Variants in TJP1 observed in about 807,000 individuals in gnomAD.
The protein encoded by TJP1 is tight junction protein ZO-1.
In TJP1, 43 loss-of-function variants were observed where a neutral mutation model predicts 194.2. The ratio of observed to expected loss-of-function variants is 0.22; its 90% CI spans 0.17 to 0.29. The LOEUF (loss-of-function observed/expected upper bound fraction) is 0.29, where lower values mean the gene tolerates loss of function less well. Among genes scored for constraint, TJP1 ranks in the 10% least tolerant of loss-of-function variants. The probability of loss-of-function intolerance (pLI) is 1.00; values close to 1 mark genes in which losing one functional copy is unlikely to be tolerated. For missense variants in TJP1, 1,971 were observed against 2,185.7 expected, an observed-to-expected ratio of 0.90 and a Z score of 1.96; for synonymous variants, 801 against 779.0, an observed-to-expected ratio of 1.03 and a Z score of -0.47.
intron 2 of TJP1, among the ~76,000 whole-genome samples, chr15:29,850,323 A>G (rs946684919): frequency 6.6e-6 from 1 of 152,024 alleles, no homozygotes; most frequent in Non-Finnish European, 1.5e-5. Context: ...GAAATAATAA[A>G]TGTTTATTTT....
At chr15:29,817,863 AG>A (rs1007241933) in intron 1 of TJP1, among the ~76,000 whole-genome samples, 7 of 152,132 alleles carry the variant, frequency 4.6e-5, no homozygotes, top group African/African-American at 1.7e-4. Context: ...GTGGGGGGAA[AG>A]GGAGGGAAAG....
chr15:29,829,962 T>TGCCCTATAAACCACTTTG, intron 2 of TJP1, among the ~76,000 whole-genome samples: 1 of 151,778 alleles, frequency 6.6e-6, no homozygotes, highest in Admixed American at 6.6e-5. Flanking sequence ...TTTCTAGATA[T>TGCCCTATAAACCACTTTG]GCCCTATAAA....
rs373454877 is a variant in TJP1 at position 29,936,732 on chromosome 15, G to A, written c.306+19500C>T. 4.6e-5 allele frequency among the ~76,000 whole-genome samples: 7 copies of A among 152,172 alleles called. No individual in the cohort carries two copies. In the East Asian group the frequency reaches 1.2e-3, roughly 25 times the overall value. ...ATCCCGCAAATTATTAGGGGTCCCC[G>A]TGCTCCCAAATTCATGTCACTACCA... On this transcript the variant is annotated intron_variant, in intron 2 of 28. Transcript: ENST00000356107.
At chr15:29,956,375 G>A (rs890287889) in intron 1 of TJP1, 1 of 1,279,982 alleles carries the variant, frequency 7.8e-7, no homozygotes, top group Admixed American at 2.4e-5. Flanking sequence ...CTGCAAGAAA[G>A]AAAAAAATTC....
intron 8 of TJP1, among the ~76,000 whole-genome samples, chr15:29,753,325 A>T (rs1035251749): frequency 3.0e-4 from 46 of 151,584 alleles, no homozygotes; most frequent in Non-Finnish European, 2.9e-4. Flanking sequence ...CTACTAAAAA[A>T]CACAAAAAAT....
At chr15:29,949,870 C>CACAACCACCACCTCT (rs2055586887) in intron 2 of TJP1, among the ~76,000 whole-genome samples, 1 of 70,440 alleles carries the variant, frequency 1.4e-5, no homozygotes, top group African/African-American at 6.0e-5. Context: ...CCACCACCTC[C>CACAACCACCACCTCT]ACCTCCACAA....
chr15:29,884,368 A>G (rs1157321013), intron 2 of TJP1, among the ~76,000 whole-genome samples: 1 of 152,170 alleles, frequency 6.6e-6, no homozygotes, highest in Non-Finnish European at 1.5e-5. Flanking sequence ...AGTGAATCTT[A>G]GAGGGTAGAG....
At chr15:29,699,604 T>C (rs1258412375), downstream of TJP1, 2 of 152,050 alleles carry the variant, frequency 1.3e-5, no homozygotes, top group Non-Finnish European at 1.5e-5. Context: ...TTAACAAAGA[T>C]GAAAAAAATA....
At chr15:29,719,232 A>G (rs1260135161) in intron 20 of TJP1, 94 bp from the exon 21 acceptor site, 2 of 1,331,050 alleles carry the variant, frequency 1.5e-6, no homozygotes, top group African/African-American at 1.5e-5. Flanking sequence ...ACGATTTAAT[A>G]TGTGAAAATG....
At chr15:29,720,854 A>C in intron 18 of TJP1, 146 bp from the exon 19 acceptor site, 1 of 658,864 alleles carries the variant, frequency 1.5e-6, no homozygotes, top group South Asian at 2.1e-5. Flanking sequence ...AAAGTCAAGA[A>C]GATTGTACAA....
At chr15:29,753,272 A>G (rs1258014639) in intron 8 of TJP1, among the ~76,000 whole-genome samples, 1 of 151,950 alleles carries the variant, frequency 6.6e-6, no homozygotes, top group Non-Finnish European at 1.5e-5. Flanking sequence ...TCACGAGGTC[A>G]GGAGATCGAG....
At chr15:29,787,026 G>A (rs1459493254) in intron 2 of TJP1, among the ~76,000 whole-genome samples, 7 of 152,074 alleles carry the variant, frequency 4.6e-5, no homozygotes, top group Non-Finnish European at 1.0e-4. Context: ...CCAGATAAAG[G>A]GAGTGTATCT....
intron 1 of TJP1, among the ~76,000 whole-genome samples, chr15:29,964,108 T>C (rs1397563931): frequency 2.0e-5 from 3 of 152,224 alleles, no homozygotes; most frequent in East Asian, 1.9e-4. Context: ...TTACTTAGAA[T>C]GTTACCATGT....
chr15:29,846,213 T>C (rs989237706), intron 2 of TJP1, among the ~76,000 whole-genome samples: 3 of 152,134 alleles, frequency 2.0e-5, no homozygotes, highest in African/African-American at 7.2e-5. Flanking sequence ...CCCACATCCT[T>C]AATATGGCCT....
chr15:29,903,213 T>C (rs147159923), intron 2 of TJP1, among the ~76,000 whole-genome samples: 27 of 152,184 alleles, frequency 1.8e-4, no homozygotes, highest in African/African-American at 6.3e-4. Context: ...GATCTATGTG[T>C]CATCGTTTTT....
chr15:29,922,216 T>C (rs1420032430), intron 2 of TJP1, among the ~76,000 whole-genome samples: 1 of 152,052 alleles, frequency 6.6e-6, no homozygotes, highest in Non-Finnish European at 1.5e-5. Context: ...TCTCTTAAAC[T>C]CCAGGCCTGT....
intron 11 of TJP1, among the ~76,000 whole-genome samples, chr15:29,734,815 C>T (rs906211277): frequency 6.6e-6 from 1 of 151,848 alleles, no homozygotes; most frequent in Non-Finnish European, 1.5e-5. Flanking sequence ...AGACCAAAAA[C>T]TTTATTTTAC....
intron 2 of TJP1, among the ~76,000 whole-genome samples, chr15:29,833,518 C>T (rs1469046135): frequency 6.6e-6 from 1 of 151,548 alleles, no homozygotes; most frequent in Non-Finnish European, 1.5e-5. Flanking sequence ...CTCAGCCTCC[C>T]GAGTAGCTGA....
chr15:29,878,984 G>A (rs1442314376), intron 2 of TJP1, among the ~76,000 whole-genome samples: 3 of 151,960 alleles, frequency 2.0e-5, no homozygotes, highest in Non-Finnish European at 4.4e-5. Flanking sequence ...TTAGCCGGGC[G>A]TTGTGGCACG....
Sources: gnomAD v4.1 joint callset for allele counts (sites outside exome capture counted in the v4.1 genomes callset) on GRCh38, gnomAD v4.1.1 for gene constraint, MANE v1.5 for transcripts, NCBI Gene and HGNC (gene_info 2026-07-23, HGNC 2026-07-21) for gene names.